The following TNFRSF19 variants were observed in gnomAD, a reference collection of about 807,000 sequenced individuals.
The protein encoded by TNFRSF19 is tumor necrosis factor receptor superfamily member 19.
TNFRSF19 carries 27 observed loss-of-function variants against 46.4 expected under a neutral mutation model. The observed-to-expected ratio is 0.58, with a 90% CI of 0.43 to 0.80. The LOEUF (loss-of-function observed/expected upper bound fraction) is 0.80, where lower values mean the gene tolerates loss of function less well. Among genes scored for constraint, TNFRSF19 ranks in the 30% least tolerant of loss-of-function variants. The pLI, the probability that TNFRSF19 is intolerant of heterozygous loss-of-function variation, is 0.00. For synonymous variants in TNFRSF19, 204 were observed against 205.0 expected, an observed-to-expected ratio of 1.00 and a Z score of 0.04; for missense variants, 511 against 530.8, an observed-to-expected ratio of 0.96 and a Z score of 0.37.
intron 5 of TNFRSF19, among the ~76,000 whole-genome samples, chr13:23,636,939 T>C (rs1882727381): frequency 6.6e-6 from 1 of 152,258 alleles, no homozygotes; most frequent in African/African-American, 2.4e-5. Flanking sequence ...TAATTCAATT[T>C]ATTTAATTTA....
At chr13:23,616,087 G>C in intron 4 of TNFRSF19, 42 bp downstream of exon 4, 1 of 1,545,150 alleles carries the variant, frequency 6.5e-7, no homozygotes, top group Non-Finnish European at 8.8e-7. Flanking sequence ...ATTTAATTAA[G>C]TAACTTTTAA....
In TNFRSF19 at chr13:23,577,455, C is replaced by T. The variant is rs570916601; in HGVS notation, c.-35+6607C>T. On this transcript the variant is annotated intron_variant, in intron 1 of 9. Coordinates refer to ENST00000248484, the MANE Select transcript of TNFRSF19 (RefSeq NM_148957.4). ...TGAATGATTGATACTGTCAGAGATA[C>T]AAATCGGAACAAAATATGCCCCTTC... Among the ~76,000 whole-genome samples, 9 of 152,304 alleles carry T rather than the reference C, an allele frequency of 5.9e-5. No individual in the cohort carries two copies. In the East Asian group the frequency reaches 7.7e-4, roughly 13 times the overall value.
intron 6 of TNFRSF19, 138 bp from the exon 7 acceptor site, chr13:23,660,227 T>C (rs184137819): frequency 6.9e-6 from 6 of 866,932 alleles, no homozygotes; most frequent in East Asian, 5.2e-5. Flanking sequence ...ATTTCATGTT[T>C]GTGCTTCCAT....
At chr13:23,626,406 G>A (rs746506690) in intron 4 of TNFRSF19, among the ~76,000 whole-genome samples, 5 of 151,976 alleles carry the variant, frequency 3.3e-5, no homozygotes, top group Non-Finnish European at 7.4e-5. Context: ...AAGGTATTTT[G>A]TCGTTTAAGT....
intron 3 of TNFRSF19, among the ~76,000 whole-genome samples, chr13:23,593,737 G>A (rs1879489738): frequency 6.6e-6 from 1 of 152,128 alleles, no homozygotes; most frequent in Non-Finnish European, 1.5e-5. Context: ...AATTTTTAAG[G>A]TTAATTTGCA....
chr13:23,669,062 G>A lies in TNFRSF19; in HGVS notation c.1210G>A (p.Ala404Thr), dbSNP rs778699946. 23 of 1,613,934 alleles carry A rather than the reference G, an allele frequency of 1.4e-5. No individual in the cohort carries two copies. Among genetic ancestry groups the A allele is most frequent in the Non-Finnish European group, 1.9e-5 (23 of 1,180,006 alleles). The change falls in exon 9 of 10, where the codon GCT becomes ACT. Residue 404 changes from alanine to threonine, a missense_variant. Physicochemically the swap from Ala to Thr is moderately conservative, Grantham distance 58 (BLOSUM62 0). Around this residue, in one of 3 missense-constraint regions of TNFRSF19, gnomAD observed 376 missense variants for 372.7 expected, o/e 1.01. Coordinates refer to ENST00000248484, the MANE Select transcript of TNFRSF19 (RefSeq NM_148957.4). ...AAGCCAGCTAGATCAGGAGAGTGGTGCTGTCATCCACCCAGCCACTCAGAC... is the reference window on the plus strand; with the variant it reads ...AAGCCAGCTAGATCAGGAGAGTGGTACTGTCATCCACCCAGCCACTCAGAC... ...MRSQLDQESG[A>T]VIHPATQTSL...
chr13:23,622,174 A>G (rs1447756852), intron 4 of TNFRSF19, among the ~76,000 whole-genome samples: 7 of 152,060 alleles, frequency 4.6e-5, no homozygotes, highest in Non-Finnish European at 1.0e-4. Flanking sequence ...GAGGCCGAGG[A>G]TGGTAGATCA....
chr13:23,643,557 A>ATC (rs1883145978), intron 5 of TNFRSF19, among the ~76,000 whole-genome samples: 1 of 152,230 alleles, frequency 6.6e-6, no homozygotes. Flanking sequence ...AAATTTCAGA[A>ATC]CGGATATAAA....
chr13:23,593,417 C>G lies in TNFRSF19; in HGVS notation c.142C>G (p.Pro48Ala), dbSNP rs181343678. Residue 48 changes from proline (P) to alanine (A), a missense_variant, in exon 3 of 10, where the codon CCC (proline) becomes GCC (alanine). By Grantham distance (27) the Pro-to-Ala change is conservative (BLOSUM62 -1). Around this residue, in one of 3 missense-constraint regions of TNFRSF19, gnomAD observed 121 missense variants for 124.1 expected, o/e 0.98. Transcript: ENST00000248484. ...CAGGGATCGGTCTGGAAACTGTGTT[C>G]CCTGCAACCAGTGTGGGCCAGGCAT... ...EFRDRSGNCVPCNQCGPGMEL... is the reference protein window; with the variant it reads ...EFRDRSGNCVACNQCGPGMEL... The G allele has an allele frequency of 1.1e-5, 17 of 1,602,816 alleles. No homozygotes were observed. In the Admixed American group the frequency reaches 1.8e-4, roughly 17 times the overall value.
At position 23,593,419 on chromosome 13, in the gene TNFRSF19, C is replaced by T; in HGVS notation, c.144C>T (p.Pro48=). ...EFRDRSGNCV[P]CNQCGPGMEL... Reference sequence around the variant, plus strand: ...GGGATCGGTCTGGAAACTGTGTTCCCTGCAACCAGTGTGGGCCAGGCATGG... The same window carrying T: ...GGGATCGGTCTGGAAACTGTGTTCCTTGCAACCAGTGTGGGCCAGGCATGG... The change falls in exon 3 of 10, where the codon CCC becomes CCT. Residue 48 remains proline (P), a synonymous_variant. Coordinates refer to ENST00000248484, the MANE Select transcript of TNFRSF19 (RefSeq NM_148957.4). 6.2e-7 allele frequency: 1 copy of T among 1,603,484 alleles called. No homozygotes were observed. The highest frequency in any genetic ancestry group is 8.5e-7 in the Non-Finnish European group (1 of 1,177,284).
chr13:23,669,191 G>GT (rs11383459), intron 9 of TNFRSF19, 94 bp downstream of exon 9: 160,642 of 1,216,288 alleles, frequency 0.13, 4,085 homozygotes, highest in East Asian at 0.24. Flanking sequence ...AACCTGATGA[G>GT]TTTTTTTTTT....
At position 23,660,458 on chromosome 13, in the gene TNFRSF19, G is replaced by A; in HGVS notation, c.704G>A (p.Cys235Tyr). Residue 235 changes from cysteine to tyrosine, a missense_variant, in exon 7 of 10, where the codon TGC (cysteine) becomes TAC (tyrosine). This residue lies in a region of TNFRSF19 where 376 missense variants were observed against 372.7 expected (regional missense o/e 1.01). Coordinates refer to ENST00000248484, the MANE Select transcript of TNFRSF19 (RefSeq NM_148957.4). ...CACGAATATGCCCACAGAGCCTGCT[G>A]CCAGTGCCGCCGTGACTCAGTGCAG... is the stretch of plus-strand genomic sequence containing the variant. ...QLHEYAHRAC[C>Y]QCRRDSVQTC... 1 of 1,613,554 alleles carries A rather than the reference G, an allele frequency of 6.2e-7. No homozygotes were observed. The highest frequency in any genetic ancestry group is 8.5e-7 in the Non-Finnish European group (1 of 1,179,998).
At chr13:23,630,380 C>T (rs1882280708) in intron 5 of TNFRSF19, among the ~76,000 whole-genome samples, 1 of 151,538 alleles carries the variant, frequency 6.6e-6, no homozygotes, top group South Asian at 2.1e-4. Context: ...GCTGAAGAGA[C>T]CCGAATTAGG....
chr13:23,626,875 C>A, intron 5 of TNFRSF19, 83 bp downstream of exon 5: 1 of 1,302,756 alleles, frequency 7.7e-7, no homozygotes, highest in Non-Finnish European at 1.1e-6. Context: ...TCTTCTCTGG[C>A]AGATGGAGCC....
At chr13:23,606,407 G>A (rs909031604) in intron 3 of TNFRSF19, among the ~76,000 whole-genome samples, 5 of 152,018 alleles carry the variant, frequency 3.3e-5, no homozygotes, top group African/African-American at 1.2e-4. Context: ...AAAAGTAAAG[G>A]TAATAATGCC....
intron 1 of TNFRSF19, among the ~76,000 whole-genome samples, chr13:23,581,205 G>A (rs1878402780): frequency 6.7e-6 from 1 of 149,886 alleles, no homozygotes; most frequent in Admixed American, 6.7e-5. Context: ...CGCACTGCAA[G>A]CTCCCGCTCT....
chr13:23,667,865 C>A (rs551492173), intron 7 of TNFRSF19, 115 bp from the exon 8 acceptor site: 7 of 860,448 alleles, frequency 8.1e-6, no homozygotes, highest in East Asian at 6.0e-5. Context: ...TCCTTTTCCC[C>A]CAAAAGTCAC....
intron 5 of TNFRSF19, among the ~76,000 whole-genome samples, chr13:23,652,745 C>T (rs1208834888): frequency 1.3e-5 from 2 of 152,224 alleles, no homozygotes; most frequent in African/African-American, 4.8e-5. Flanking sequence ...ACATCATTGG[C>T]ATAATCTCAT....
chr13:23,648,943 A>G (rs1883480624), intron 5 of TNFRSF19, among the ~76,000 whole-genome samples: 1 of 152,178 alleles, frequency 6.6e-6, no homozygotes, highest in African/African-American at 2.4e-5. Context: ...GTCGTGGTGT[A>G]TAATCTTTTA....
Sources: allele counts gnomAD v4.1 joint callset (sites outside exome capture counted in the v4.1 genomes callset), GRCh38; gene constraint gnomAD v4.1.1; regional missense constraint gnomAD v4.1.1; transcripts MANE v1.5; gene names NCBI Gene and HGNC (gene_info 2026-07-23, HGNC 2026-07-21).